LCORL: variants seen among roughly 807,000 people sequenced by gnomAD.
The protein encoded by LCORL is ligand dependent nuclear receptor corepressor like.
LCORL carries 41 observed loss-of-function variants against 141.8 expected under a neutral mutation model. The ratio of observed to expected loss-of-function variants is 0.29; its 90% CI spans 0.23 to 0.38. The LOEUF is 0.38. Among genes scored for constraint, LCORL ranks in the 10% least tolerant of loss-of-function variants. LCORL has a pLI of 1.00. For missense variants in LCORL, 1,759 were observed against 2,035.0 expected (o/e 0.86, Z 2.61); for synonymous variants, 618 against 694.1 (o/e 0.89, Z 1.72).
chr4:17,983,713 A>G (rs1205182585), intron 1 of LCORL, among the ~76,000 whole-genome samples: 1 of 152,162 alleles, frequency 6.6e-6, no homozygotes, highest in Non-Finnish European at 1.5e-5. Flanking sequence ...ATATCATCAG[A>G]CAAGTATAGT....
intron 5 of LCORL, among the ~76,000 whole-genome samples, chr4:17,895,791 G>C (rs1315873784): frequency 6.6e-6 from 1 of 152,136 alleles, no homozygotes; most frequent in African/African-American, 2.4e-5. Context: ...CATACAAATA[G>C]AATCATATAT....
intron 5 of LCORL, among the ~76,000 whole-genome samples, chr4:17,895,773 A>G (rs1164503507): frequency 6.6e-6 from 1 of 152,188 alleles, no homozygotes; most frequent in African/African-American, 2.4e-5. Context: ...TTCCTATTCT[A>G]AACATTTCAT....
At chr4:17,859,465 C>CA (rs1420872396) in intron 7 of LCORL, among the ~76,000 whole-genome samples, 1 of 151,968 alleles carries the variant, frequency 6.6e-6, no homozygotes, top group African/African-American at 2.4e-5. Flanking sequence ...CATACAAAGG[C>CA]AGAGTGAATT....
At chr4:17,866,045 T>C (rs191156457) in intron 7 of LCORL, among the ~76,000 whole-genome samples, 4 of 152,328 alleles carry the variant, frequency 2.6e-5, no homozygotes, top group African/African-American at 7.2e-5. Context: ...TAAGAACTTG[T>C]ATAGTCTGTT....
intron 4 of LCORL, among the ~76,000 whole-genome samples, chr4:17,944,563 C>CT (rs895864321): frequency 3.3e-5 from 5 of 152,084 alleles, no homozygotes; most frequent in African/African-American, 4.8e-5. Context: ...TGTTCCCATA[C>CT]TTTTTTTTGA....
intron 1 of LCORL, among the ~76,000 whole-genome samples, chr4:17,973,339 T>C (rs1198783966): frequency 6.6e-6 from 1 of 151,850 alleles, no homozygotes; most frequent in Non-Finnish European, 1.5e-5. Flanking sequence ...GTTAAACATA[T>C]GATGTATAAA....
At chr4:17,878,747 G>A (rs1727185863) in intron 6 of LCORL, among the ~76,000 whole-genome samples, 1 of 151,238 alleles carries the variant, frequency 6.6e-6, no homozygotes, top group African/African-American at 2.4e-5. Flanking sequence ...TCTTTCCTAA[G>A]ATTAAGCTGC....
chr4:17,969,878 T>A (rs1715602883), intron 2 of LCORL, among the ~76,000 whole-genome samples: 1 of 152,150 alleles, frequency 6.6e-6, no homozygotes, highest in Non-Finnish European at 1.5e-5. Flanking sequence ...ATAAGAATAA[T>A]AAAACACTGG....
chr4:17,886,250 C>T (rs1212644895), intron 5 of LCORL, 89 bp from the exon 6 acceptor site: 1 of 741,284 alleles, frequency 1.3e-6, no homozygotes, highest in Non-Finnish European at 2.4e-6. Flanking sequence ...TGATCTAATT[C>T]ATAACACTAG....
intron 7 of LCORL, among the ~76,000 whole-genome samples, chr4:17,851,580 T>C (rs948256296): frequency 1.3e-5 from 2 of 152,248 alleles, no homozygotes; most frequent in Non-Finnish European, 2.9e-5. Flanking sequence ...TAAATCTTAA[T>C]TGATTTTATC....
intron 4 of LCORL, among the ~76,000 whole-genome samples, chr4:17,933,515 G>A (rs571938253): frequency 6.6e-6 from 1 of 151,984 alleles, no homozygotes; most frequent in Non-Finnish European, 1.5e-5. Flanking sequence ...GTATTCCTAA[G>A]TTTAGTCAAT....
At chr4:17,988,521 G>T (rs1719414694) in intron 1 of LCORL, among the ~76,000 whole-genome samples, 1 of 151,956 alleles carries the variant, frequency 6.6e-6, no homozygotes, top group Non-Finnish European at 1.5e-5. Context: ...CCATTCATCT[G>T]CTCATCTACT....
At chr4:17,939,151 A>G (rs1009142601) in intron 4 of LCORL, among the ~76,000 whole-genome samples, 4 of 152,224 alleles carry the variant, frequency 2.6e-5, no homozygotes, top group African/African-American at 4.8e-5. Flanking sequence ...AGGAAGATAC[A>G]TGAATTGTCT....
At chr4:17,883,495 T>C in intron 6 of LCORL, 1 of 1,247,730 alleles carries the variant, frequency 8.0e-7, no homozygotes, top group Non-Finnish European at 1.0e-6. Flanking sequence ...CAGAATTAAG[T>C]AAGCAACTAT....
chr4:17,899,464 G>A (rs1294980008), intron 5 of LCORL, among the ~76,000 whole-genome samples: 2 of 152,152 alleles, frequency 1.3e-5, no homozygotes, highest in Non-Finnish European at 2.9e-5. Flanking sequence ...TAGACAGTGT[G>A]ACTTACACCT....
chr4:17,889,656 T>C (rs556403327), intron 5 of LCORL, among the ~76,000 whole-genome samples: 132 of 151,654 alleles, frequency 8.7e-4, no homozygotes, highest in African/African-American at 3.0e-3. Flanking sequence ...CAAAAGAAGA[T>C]ACTCCTAGGA....
intron 5 of LCORL, among the ~76,000 whole-genome samples, chr4:17,887,543 T>C (rs1257912143): frequency 6.6e-6 from 1 of 152,150 alleles, no homozygotes; most frequent in Non-Finnish European, 1.5e-5. Context: ...TATGGAACCA[T>C]GTCTGGAATG....
chr4:17,853,500 T>C (rs1310678663), intron 7 of LCORL, among the ~76,000 whole-genome samples: 1 of 152,122 alleles, frequency 6.6e-6, no homozygotes, highest in Non-Finnish European at 1.5e-5. Context: ...CAGAGTATTC[T>C]TTAGGTCAAG....
intron 5 of LCORL, among the ~76,000 whole-genome samples, chr4:17,896,931 G>A (rs371962206): frequency 8.5e-4 from 129 of 151,556 alleles, no homozygotes; most frequent in African/African-American, 2.9e-3. Context: ...GAGTTCAATT[G>A]CTTTAATTTT....
Sources: allele counts gnomAD v4.1 joint callset (sites outside exome capture counted in the v4.1 genomes callset), GRCh38; gene constraint gnomAD v4.1.1; transcripts MANE v1.5; gene names NCBI Gene and HGNC (gene_info 2026-07-23, HGNC 2026-07-21).